Variants in MYL12B observed in about 807,000 individuals in gnomAD.
MYL12B encodes myosin light chain 12B, also known as myosin regulatory light chain 12B.
MYL12B carries 3 observed loss-of-function variants against 12.9 expected under a neutral mutation model. The ratio of observed to expected loss-of-function variants is 0.23; its 90% CI spans 0.11 to 0.60. The LOEUF (loss-of-function observed/expected upper bound fraction) is 0.60, where lower values mean the gene tolerates loss of function less well. MYL12B is among the 20% of genes least tolerant of loss of function. The pLI, the probability that MYL12B is intolerant of heterozygous loss-of-function variation, is 0.89. For missense variants in MYL12B, 120 were observed against 215.4 expected (o/e 0.56, Z 2.77); for synonymous variants, 57 against 71.9 (o/e 0.79, Z 1.05).
intron 1 of MYL12B, among the ~76,000 whole-genome samples, chr18:3,268,552 T>C (rs1791067): frequency 0.28 from 42,332 of 152,100 alleles, 6,239 homozygotes; most frequent in African/African-American, 0.35. Flanking sequence ...TCACATTTCA[T>C]TTACTCACTG....
chr18:3,267,540 A>G (rs970381964), intron 1 of MYL12B, among the ~76,000 whole-genome samples: 1 of 152,174 alleles, frequency 6.6e-6, no homozygotes, highest in Non-Finnish European at 1.5e-5. Flanking sequence ...GTAGTCCTAT[A>G]TGATGCTTCT....
intron 1 of MYL12B, among the ~76,000 whole-genome samples, chr18:3,271,399 G>A (rs570121238): frequency 3.9e-5 from 6 of 152,182 alleles, no homozygotes; most frequent in Non-Finnish European, 8.8e-5. Context: ...CACCCTGTGG[G>A]ATGTTCTTTA....
chr18:3,267,691 GT>G (rs1199295815), intron 1 of MYL12B, among the ~76,000 whole-genome samples: 1 of 151,968 alleles, frequency 6.6e-6, no homozygotes, highest in African/African-American at 2.4e-5. Context: ...TATTATAATT[GT>G]TCTATTTTAT....
intron 1 of MYL12B, among the ~76,000 whole-genome samples, chr18:3,266,168 T>G (rs1190296569): frequency 1.3e-5 from 2 of 152,156 alleles, no homozygotes; most frequent in Non-Finnish European, 2.9e-5. Flanking sequence ...TGGCACAGGG[T>G]CTCTCATGAG....
intron 1 of MYL12B, among the ~76,000 whole-genome samples, chr18:3,269,421 C>G (rs766135283): frequency 1.2e-4 from 18 of 152,074 alleles, no homozygotes; most frequent in Non-Finnish European, 2.4e-4. Flanking sequence ...AAATATTTCT[C>G]AGAGGCAGGG....
chr18:3,267,155 C>G (rs1255324457), intron 1 of MYL12B, among the ~76,000 whole-genome samples: 2 of 152,170 alleles, frequency 1.3e-5, no homozygotes, highest in Non-Finnish European at 2.9e-5. Flanking sequence ...CCAGACATTC[C>G]ATTACCTTGA....
chr18:3,277,464 CT>C (rs1179132142), intron 3 of MYL12B, 50 bp downstream of exon 3: 1 of 1,560,532 alleles, frequency 6.4e-7, no homozygotes, highest in Non-Finnish European at 8.6e-7. Flanking sequence ...ATATAAAGTA[CT>C]TCTGTGAAAT....
At chr18:3,270,254 G>A (rs2081666559) in intron 1 of MYL12B, among the ~76,000 whole-genome samples, 1 of 152,112 alleles carries the variant, frequency 6.6e-6, no homozygotes, top group Non-Finnish European at 1.5e-5. Flanking sequence ...CTTTTCAGCT[G>A]ATACTGTATG....
At position 3,277,991 on chromosome 18, in the gene MYL12B, C is replaced by T; in HGVS notation, c.*54C>T. ...CATTGTCTTACTCTCTTTTACTTCT[C>T]AGACACTTCCCCCACCCTCATAGAA... is the stretch of plus-strand genomic sequence containing the variant. On this transcript the variant is annotated 3_prime_UTR_variant, in exon 4 of 4. Transcript: ENST00000237500. 1 of 1,576,282 alleles carries T rather than the reference C, an allele frequency of 6.3e-7. No homozygotes were observed. Among genetic ancestry groups the T allele is most frequent in the African/African-American group, 1.4e-5 (1 of 73,578 alleles).
chr18:3,272,256 A>G lies in MYL12B; in HGVS notation c.-15-628A>G, dbSNP rs945087923. On this transcript the variant is annotated intron_variant, in intron 1 of 3. Transcript: ENST00000237500. ...ATCATGTTTTACTGATGAAAAATTG[A>G]GGCTCAGAGAGGTTATGTTATACTG... 7 of 846,430 alleles carry G rather than the reference A, an allele frequency of 8.3e-6. No individual in the cohort carries two copies. The East Asian group carries it at 8.6e-4, about 104-fold the overall frequency. The allele number at this position is 846,430 out of a possible 1,614,324, so 52.4% of individuals were successfully genotyped here. A position where few individuals can be genotyped will look rare whatever the true frequency, so the allele number is the denominator to read the frequency against.
chr18:3,276,919 CAAAAAAAAA>C (rs10706387), intron 2 of MYL12B: 51 of 856,702 alleles, frequency 6.0e-5, no homozygotes, highest in African/African-American at 1.7e-4. Context: ...GCCTATAGTC[CAAAAAAAAA>C]AAAAAAAAAA....
chr18:3,277,361 A>G lies in MYL12B; in HGVS notation c.293A>G (p.Asp98Gly). The G allele has an allele frequency of 1.9e-6, 3 of 1,614,082 alleles. No homozygotes were observed. The highest frequency in any genetic ancestry group is 2.5e-6 in the Non-Finnish European group (3 of 1,179,944). Residue 98 changes from aspartate (D) to glycine (G), a missense_variant, in exon 3 of 4, where the codon GAT becomes GGT. Transcript: ENST00000237500. ...TMFGEKLNGT[D>G]PEDVIRNAFA... ...TTTGGTGAGAAGTTAAATGGCACAG[A>G]TCCTGAAGATGTCATCAGAAACGCC...
At chr18:3,269,715 G>C (rs1440002845) in intron 1 of MYL12B, among the ~76,000 whole-genome samples, 1 of 152,188 alleles carries the variant, frequency 6.6e-6, no homozygotes. Context: ...AAGGAATGAA[G>C]ACTGAAAAGA....
rs555340160 is a variant in MYL12B, at chr18:3,264,040, C to A, written c.-16+1803C>A. Reference sequence around the variant, plus strand: ...ACATACAAAATGCTTAAATCAGTGCCTGGCACATCTTTAGCACCCAGTTGT... The same window carrying A: ...ACATACAAAATGCTTAAATCAGTGCATGGCACATCTTTAGCACCCAGTTGT... On this transcript the variant is annotated intron_variant, in intron 1 of 3. Transcript: ENST00000237500. 5.9e-5 allele frequency among the ~76,000 whole-genome samples: 9 copies of A among 152,292 alleles called. No individual in the cohort carries two copies. The South Asian group carries it at 1.9e-3, about 32-fold the overall frequency.
At chr18:3,271,033 C>G (rs1260896698) in intron 1 of MYL12B, among the ~76,000 whole-genome samples, 1 of 152,136 alleles carries the variant, frequency 6.6e-6, no homozygotes, top group Non-Finnish European at 1.5e-5. Context: ...AACTCGATTA[C>G]AAAAATTACT....
intron 1 of MYL12B, among the ~76,000 whole-genome samples, chr18:3,268,819 C>T (rs1415640283): frequency 2.0e-5 from 3 of 152,134 alleles, no homozygotes; most frequent in Non-Finnish European, 4.4e-5. Flanking sequence ...CACTAGGTGA[C>T]CTTGGGCAAG....
chr18:3,276,437 A>G (rs2081732221), intron 2 of MYL12B: 2 of 984,556 alleles, frequency 2.0e-6, no homozygotes, highest in South Asian at 9.4e-5. Context: ...TTCCCTCACC[A>G]CTGCACTAAA....
intron 2 of MYL12B, chr18:3,276,774 C>T (rs566636564): frequency 6.1e-5 from 24 of 394,452 alleles, no homozygotes; most frequent in African/African-American, 2.0e-4. Flanking sequence ...CGGTGATGCA[C>T]GCCTGCAATC....
intron 1 of MYL12B, among the ~76,000 whole-genome samples, chr18:3,271,755 G>A (rs545237324): frequency 6.6e-6 from 1 of 152,074 alleles, no homozygotes; most frequent in South Asian, 2.1e-4. Flanking sequence ...AGAGCTGATG[G>A]TATTTTTGTG....
Sources: gnomAD v4.1 joint callset for allele counts (sites outside exome capture counted in the v4.1 genomes callset) on GRCh38, gnomAD v4.1.1 for gene constraint, MANE v1.5 for transcripts, NCBI Gene and HGNC (gene_info 2026-07-23, HGNC 2026-07-21) for gene names.